TBCK: variants seen among roughly 807,000 people sequenced by gnomAD.
TBCK encodes TBC domain-containing protein kinase-like protein.
In TBCK, 99 loss-of-function variants were observed where a neutral mutation model predicts 113.4. The ratio of observed to expected loss-of-function variants is 0.87; its 90% CI spans 0.74 to 1.03. The LOEUF is 1.03. TBCK is among the 50% of genes least tolerant of loss of function. The pLI, the probability that TBCK is intolerant of heterozygous loss-of-function variation, is 0.00. For synonymous variants in TBCK, 369 were observed against 370.8 expected, an observed-to-expected ratio of 1.00 and a Z score of 0.05; for missense variants, 1,045 against 1,061.3, an observed-to-expected ratio of 0.98 and a Z score of 0.21.
intron 23 of TBCK, among the ~76,000 whole-genome samples, chr4:106,124,551 C>G (rs1021231896): frequency 6.6e-5 from 10 of 152,028 alleles, no homozygotes; most frequent in Non-Finnish European, 1.2e-4. Flanking sequence ...CACATGCACA[C>G]GTATGTTTAT....
intron 3 of TBCK, among the ~76,000 whole-genome samples, chr4:106,284,111 A>C (rs542273715): frequency 6.6e-6 from 1 of 152,278 alleles, no homozygotes; most frequent in East Asian, 1.9e-4. Context: ...CAAAACATGT[A>C]AAACAGGAAG....
chr4:106,206,997 C>T (rs548931449), intron 20 of TBCK, among the ~76,000 whole-genome samples: 1 of 152,242 alleles, frequency 6.6e-6, no homozygotes, highest in Admixed American at 6.5e-5. Context: ...ATACTATTCA[C>T]AGAATTTCAG....
intron 23 of TBCK, among the ~76,000 whole-genome samples, chr4:106,120,007 C>G (rs1034349435): frequency 2.6e-5 from 4 of 152,158 alleles, no homozygotes; most frequent in African/African-American, 9.7e-5. Context: ...AGCTCCCAGC[C>G]TGAGCGACGC....
chr4:106,175,694 T>C (rs1751584128), intron 22 of TBCK, among the ~76,000 whole-genome samples: 1 of 152,002 alleles, frequency 6.6e-6, no homozygotes, highest in Non-Finnish European at 1.5e-5. Context: ...TTTTGTAAAA[T>C]TTGACAAAGT....
At chr4:106,225,682 C>T (rs1364754181) in intron 19 of TBCK, among the ~76,000 whole-genome samples, 1 of 152,216 alleles carries the variant, frequency 6.6e-6, no homozygotes, top group East Asian at 2.0e-4. Context: ...TGGTCTCGAA[C>T]TCCTGACGTC....
At chr4:106,179,386 T>C (rs1181848097) in intron 22 of TBCK, among the ~76,000 whole-genome samples, 1 of 152,058 alleles carries the variant, frequency 6.6e-6, no homozygotes, top group Non-Finnish European at 1.5e-5. Context: ...TGCAATAAAC[T>C]ACCCTCTTAG....
At chr4:106,080,733 G>A (rs1464228602) in intron 25 of TBCK, among the ~76,000 whole-genome samples, 3 of 152,064 alleles carry the variant, frequency 2.0e-5, no homozygotes, top group African/African-American at 4.8e-5. Context: ...AGAGTGTACA[G>A]ACAACCTACA....
At chr4:106,123,853 A>C (rs1230281383) in intron 23 of TBCK, among the ~76,000 whole-genome samples, 3 of 148,752 alleles carry the variant, frequency 2.0e-5, no homozygotes, top group Non-Finnish European at 4.5e-5. Context: ...AATCAATTCA[A>C]GATGGATTAA....
chr4:106,086,161 G>GA (rs976137508), intron 25 of TBCK, among the ~76,000 whole-genome samples: 4 of 151,572 alleles, frequency 2.6e-5, no homozygotes, highest in East Asian at 1.9e-4. Context: ...GCTTTTTTTT[G>GA]AAAAAATTAA....
In TBCK at chr4:106,257,917, A is replaced by G. The variant is rs186193499; in HGVS notation, c.455+2520T>C. ...ATGGTATACTTTTATCATCACCACAATACATCCAGAAGTCAGTTTTCATCT... is the reference window on the plus strand; with the variant it reads ...ATGGTATACTTTTATCATCACCACAGTACATCCAGAAGTCAGTTTTCATCT... On this transcript the variant is annotated intron_variant, in intron 5 of 25. Coordinates refer to ENST00000394708, the MANE Select transcript of TBCK (RefSeq NM_001163435.3). 5.5e-4 allele frequency among the ~76,000 whole-genome samples: 83 copies of G among 152,178 alleles called. No individual in the cohort carries two copies. The East Asian group carries it at 8.3e-3, about 15-fold the overall frequency.
At chr4:106,274,969 C>A (rs955015134) in intron 3 of TBCK, among the ~76,000 whole-genome samples, 2 of 151,952 alleles carry the variant, frequency 1.3e-5, no homozygotes, top group Non-Finnish European at 2.9e-5. Context: ...CCATCTATAC[C>A]AAAAAGCTTT....
chr4:106,191,629 C>G (rs1246578337), intron 22 of TBCK, among the ~76,000 whole-genome samples: 5 of 152,036 alleles, frequency 3.3e-5, no homozygotes, highest in African/African-American at 1.2e-4. Flanking sequence ...ATGTTAGGAG[C>G]AGGGATGCTG....
intron 25 of TBCK, among the ~76,000 whole-genome samples, chr4:106,053,807 T>G (rs1306429546): frequency 6.6e-6 from 1 of 151,686 alleles, no homozygotes; most frequent in Non-Finnish European, 1.5e-5. Flanking sequence ...GTCTTCCTTA[T>G]CTCAGGAAAT....
At chr4:106,100,503 C>T (rs1182161470) in intron 24 of TBCK, among the ~76,000 whole-genome samples, 2 of 152,136 alleles carry the variant, frequency 1.3e-5, no homozygotes, top group East Asian at 1.9e-4. Flanking sequence ...TCAGCATAGG[C>T]TCACTAAAAC....
chr4:106,120,214 T>C (rs545737215), intron 23 of TBCK, among the ~76,000 whole-genome samples: 2 of 152,260 alleles, frequency 1.3e-5, no homozygotes, highest in African/African-American at 4.8e-5. Flanking sequence ...CTGATGCACC[T>C]GGAAAATCGG....
intron 2 of TBCK, among the ~76,000 whole-genome samples, chr4:106,299,126 C>G (rs955411015): frequency 6.6e-6 from 1 of 152,192 alleles, no homozygotes; most frequent in African/African-American, 2.4e-5. Context: ...CTAGTGCACA[C>G]AGGTGTACTG....
chr4:106,242,293 A>G (rs1760234021), intron 12 of TBCK, among the ~76,000 whole-genome samples, 177 bp downstream of exon 12: 1 of 152,078 alleles, frequency 6.6e-6, no homozygotes, highest in Non-Finnish European at 1.5e-5. Flanking sequence ...ATTTTTGTGA[A>G]CAATCAGGTA....
chr4:106,175,993 T>C (rs535667635), intron 22 of TBCK, among the ~76,000 whole-genome samples: 15 of 152,222 alleles, frequency 9.9e-5, no homozygotes, highest in African/African-American at 2.6e-4. Flanking sequence ...GAACAAAACA[T>C]GAAGATGGCT....
Position 106,130,628 on chromosome 4 carries a change from A to ACC in TBCK, c.2236-14252_2236-14251dup, listed in dbSNP as rs1553937266. 2.9e-3 allele frequency among the ~76,000 whole-genome samples: 419 copies of ACC among 144,718 alleles called. 4 individuals are homozygous for ACC. The highest frequency in any genetic ancestry group is 0.01 in the African/African-American group (382 of 37,726). The allele number at this position is 144,718 out of a possible 152,430, so 94.9% of individuals were successfully genotyped here. A position where few individuals can be genotyped will look rare whatever the true frequency, so the allele number is the denominator to read the frequency against. ...CACACACACACACACACACACACAC[A>ACC]CCACACAGAAACTGCAAAAGTGGTT... is the stretch of plus-strand genomic sequence containing the variant. On this transcript the variant is annotated intron_variant, in intron 23 of 25. Coordinates refer to ENST00000394708, the MANE Select transcript of TBCK (RefSeq NM_001163435.3).
Sources: gnomAD v4.1 joint callset for allele counts (sites outside exome capture counted in the v4.1 genomes callset) on GRCh38, gnomAD v4.1.1 for gene constraint, MANE v1.5 for transcripts, NCBI Gene and HGNC (gene_info 2026-07-23, HGNC 2026-07-21) for gene names.